The following CHEK2 variants were observed in gnomAD, a reference collection of about 807,000 sequenced individuals.
CHEK2 encodes the protein serine/threonine-protein kinase Chk2.
In CHEK2, 71 loss-of-function variants were observed where a neutral mutation model predicts 69.1. The observed-to-expected ratio is 1.03, with a 90% CI of 0.85 to 1.25. CHEK2 has a LOEUF of 1.25. CHEK2 is among the 50% of genes most tolerant of loss of function. CHEK2 has a pLI of 0.00. For missense variants in CHEK2, 664 were observed against 649.6 expected (o/e 1.02, Z -0.24); for synonymous variants, 189 against 226.9 (o/e 0.83, Z 1.50).
chr22:28,737,474 CTTTT>C (rs543703620), intron 1 of CHEK2, among the ~76,000 whole-genome samples: 1 of 137,336 alleles, frequency 7.3e-6, no homozygotes, highest in Non-Finnish European at 1.6e-5. Flanking sequence ...CTGATTATTT[CTTTT>C]TTTTTTTTTT....
chr22:28,699,830 T>C lies in CHEK2; in HGVS notation c.1008+8A>G, dbSNP rs139986197. 68 of 1,602,940 alleles carry C rather than the reference T, an allele frequency of 4.2e-5. No individual in the cohort carries two copies. The East Asian group carries it at 1.5e-3, about 35-fold the overall frequency. On this transcript the variant is annotated splice_region_variant and intron_variant, in intron 9 of 14. Transcript: ENST00000404276. Reference sequence around the variant, plus strand: ...GCAGCTGTCAAAAGAATTGAGGGCTTCTTTTACCTGCACAGCCAAGAGCAT... The same window carrying C: ...GCAGCTGTCAAAAGAATTGAGGGCTCCTTTTACCTGCACAGCCAAGAGCAT...
chr22:28,697,207 T>C (rs2052626637), intron 9 of CHEK2, among the ~76,000 whole-genome samples: 1 of 152,174 alleles, frequency 6.6e-6, no homozygotes, highest in Non-Finnish European at 1.5e-5. Context: ...CTTAGAACAA[T>C]TAACCTTTCA....
intron 5 of CHEK2, among the ~76,000 whole-genome samples, chr22:28,712,495 A>G (rs1015645175): frequency 2.0e-5 from 3 of 152,226 alleles, no homozygotes; most frequent in Admixed American, 1.3e-4. Flanking sequence ...AGTTGATGAC[A>G]TAAGTTGCAC....
rs996560947 is a variant in CHEK2 at position 28,706,522 on chromosome 22, C to T, written c.847-2956G>A. The stretch of plus-strand genomic sequence containing the variant: ...GCAATGGGGTGATCATGGCTCACTG[C>T]AGTCTCAACCTTCTGGGCTCAAGCA... On this transcript the variant is annotated intron_variant, in intron 7 of 14. Transcript: ENST00000404276. 3.3e-4 allele frequency among the ~76,000 whole-genome samples: 50 copies of T among 152,164 alleles called. 2 individuals are homozygous for T. Among genetic ancestry groups the T allele is most frequent in the African/African-American group, 7.2e-5 (3 of 41,432 alleles).
At chr22:28,723,655 T>C (rs1025503777) in intron 4 of CHEK2, among the ~76,000 whole-genome samples, 1 of 91,004 alleles carries the variant, frequency 1.1e-5, no homozygotes, top group Non-Finnish European at 2.4e-5. Flanking sequence ...CAGAAATAAA[T>C]GAATAGGGCT....
chr22:28,719,511 G>A (rs991607433), intron 4 of CHEK2, 26 bp from the exon 5 acceptor site: 3 of 1,362,896 alleles, frequency 2.2e-6, no homozygotes, highest in Admixed American at 1.9e-5. Flanking sequence ...GTAGAAATGG[G>A]TTTCATTAAT....
rs906841441 is a variant in CHEK2, at chr22:28,718,526, C to T, written c.683+869G>A. Among the ~76,000 whole-genome samples the T allele has an allele frequency of 4.6e-5, 7 of 152,064 alleles. No homozygotes were observed. In the East Asian group the frequency reaches 1.3e-3, roughly 29 times the overall value. The stretch of plus-strand genomic sequence containing the variant: ...CACAATAGCCAAGATAGGGAAGCAA[C>T]CAAAGTGTCCATAAATGAATGAACG... On this transcript the variant is annotated intron_variant, in intron 5 of 14. Transcript: ENST00000404276.
chr22:28,701,913 G>A (rs577750280), intron 8 of CHEK2, among the ~76,000 whole-genome samples: 8 of 151,568 alleles, frequency 5.3e-5, no homozygotes, highest in Admixed American at 2.0e-4. Context: ...ATAAAATGGC[G>A]TAAGATTTGC....
chr22:28,690,879 G>A (rs570351303), intron 13 of CHEK2, among the ~76,000 whole-genome samples: 112 of 146,604 alleles, frequency 7.6e-4, no homozygotes, highest in Middle Eastern at 3.5e-3. Flanking sequence ...AGGGGAGGGG[G>A]AAGGAAGGAG....
At chr22:28,729,540 C>CAAAAAAAAAAAAAAAAAAAAAAAA (rs58149342) in intron 2 of CHEK2, among the ~76,000 whole-genome samples, 7 of 83,076 alleles carry the variant, frequency 8.4e-5, no homozygotes, top group East Asian at 3.5e-4. Flanking sequence ...GACTCCATCT[C>CAAAAAAAAAAAAAAAAAAAAAAAA]AAAAAAAAAA....
At chr22:28,721,209 CAG>C (rs1008443987) in intron 4 of CHEK2, among the ~76,000 whole-genome samples, 22 of 151,214 alleles carry the variant, frequency 1.5e-4, no homozygotes, top group Non-Finnish European at 5.9e-5. Flanking sequence ...TTAGAGAAAA[CAG>C]AGATTTATTG....
At chr22:28,716,262 T>A (rs1243038952) in intron 5 of CHEK2, among the ~76,000 whole-genome samples, 1 of 150,882 alleles carries the variant, frequency 6.6e-6, no homozygotes, top group Non-Finnish European at 1.5e-5. Context: ...AGTGGCGTGA[T>A]CTCAGCTCAC....
intron 8 of CHEK2, among the ~76,000 whole-genome samples, chr22:28,701,551 C>T (rs1043373313): frequency 2.6e-5 from 4 of 152,298 alleles, no homozygotes; most frequent in Non-Finnish European, 4.4e-5. Flanking sequence ...TGCATAGATA[C>T]GATTTGCCAA....
intron 9 of CHEK2, 178 bp downstream of exon 9, chr22:28,699,660 C>A (rs1030174893): frequency 3.2e-6 from 2 of 633,172 alleles, no homozygotes; most frequent in Non-Finnish European, 2.8e-6. Flanking sequence ...CCGCGCCTCG[C>A]CAGTGAGAGC....
chr22:28,728,945 C>A (rs766314836), intron 2 of CHEK2, among the ~76,000 whole-genome samples: 2 of 149,520 alleles, frequency 1.3e-5, no homozygotes, highest in African/African-American at 2.5e-5. Flanking sequence ...GGGTAACACT[C>A]CAGCGTGGGT....
At chr22:28,731,184 C>T (rs900520840) in intron 2 of CHEK2, among the ~76,000 whole-genome samples, 1 of 152,042 alleles carries the variant, frequency 6.6e-6, no homozygotes, top group African/African-American at 2.4e-5. Flanking sequence ...GCCTGGATGA[C>T]AGAGTGAGAT....
chr22:28,713,391 G>C (rs546082393), intron 5 of CHEK2, among the ~76,000 whole-genome samples: 3 of 148,054 alleles, frequency 2.0e-5, no homozygotes, highest in Non-Finnish European at 4.4e-5. Context: ...ATGGAGTCTC[G>C]CTCAGTCGCC....
chr22:28,689,025 T>C, intron 14 of CHEK2, 110 bp downstream of exon 14: 1 of 719,534 alleles, frequency 1.4e-6, no homozygotes, highest in East Asian at 2.7e-5. Flanking sequence ...ACATTATAAC[T>C]GAAACAATGT....
At chr22:28,708,022 G>C (rs1294665924) in intron 7 of CHEK2, among the ~76,000 whole-genome samples, 1 of 151,686 alleles carries the variant, frequency 6.6e-6, no homozygotes, top group East Asian at 1.9e-4. Flanking sequence ...TGTATTTTTA[G>C]TAGAGACGGG....
Sources: allele counts gnomAD v4.1 joint callset (sites outside exome capture counted in the v4.1 genomes callset), GRCh38; gene constraint gnomAD v4.1.1; transcripts MANE v1.5; gene names NCBI Gene and HGNC (gene_info 2026-07-23, HGNC 2026-07-21).